The following ENOX1 variants were observed in gnomAD, a reference collection of about 807,000 sequenced individuals.
ENOX1 encodes the protein ecto-NOX disulfide-thiol exchanger 1, also known as candidate growth-related and time keeping constitutive hydroquinone (NADH) oxidase.
ENOX1 carries 42 observed loss-of-function variants against 82.5 expected under a neutral mutation model. The observed-to-expected ratio is 0.51, with a 90% CI of 0.40 to 0.66. The LOEUF is 0.66. Ranked by LOEUF, ENOX1 falls within the 30% of genes least tolerant of loss-of-function variation. The probability of loss-of-function intolerance (pLI) is 0.00; values close to 1 mark genes in which losing one functional copy is unlikely to be tolerated. For synonymous variants in ENOX1, 271 were observed against 282.2 expected, an observed-to-expected ratio of 0.96 and a Z score of 0.40; for missense variants, 608 against 811.6, an observed-to-expected ratio of 0.75 and a Z score of 3.05.
At chr13:43,231,352 G>C (rs995892537) in intron 15 of ENOX1, among the ~76,000 whole-genome samples, 1 of 152,212 alleles carries the variant, frequency 6.6e-6, no homozygotes, top group African/African-American at 2.4e-5. Context: ...AGCGTATATG[G>C]GAAGTGGAGA....
intron 11 of ENOX1, among the ~76,000 whole-genome samples, chr13:43,302,973 A>G (rs1398939315): frequency 6.6e-6 from 1 of 152,230 alleles, no homozygotes; most frequent in East Asian, 1.9e-4. Flanking sequence ...ATTTTAACAT[A>G]TCGTTTCTAA....
chr13:43,605,756 CT>C (rs1203922647), intron 2 of ENOX1, among the ~76,000 whole-genome samples: 3 of 152,142 alleles, frequency 2.0e-5, no homozygotes, highest in Non-Finnish European at 2.9e-5. Context: ...GCAAAGACTT[CT>C]TGAGTAATAC....
At chr13:43,300,783 A>G (rs1420073403) in intron 11 of ENOX1, among the ~76,000 whole-genome samples, 1 of 152,246 alleles carries the variant, frequency 6.6e-6, no homozygotes, top group African/African-American at 2.4e-5. Context: ...GCATGGAATG[A>G]ACTGGAGGCT....
intron 8 of ENOX1, among the ~76,000 whole-genome samples, chr13:43,346,392 G>GT (rs547151170): frequency 2.8e-4 from 42 of 152,094 alleles, no homozygotes; most frequent in African/African-American, 1.0e-3. Flanking sequence ...GGGATCAAAG[G>GT]TTTTTTTTCT....
At chr13:43,604,854 A>G (rs2081909638) in intron 2 of ENOX1, among the ~76,000 whole-genome samples, 1 of 152,240 alleles carries the variant, frequency 6.6e-6, no homozygotes, top group South Asian at 2.1e-4. Flanking sequence ...ATGATCTGAT[A>G]TTTGGAAAAA....
chr13:43,479,616 T>G (rs1453925752), intron 3 of ENOX1, among the ~76,000 whole-genome samples: 1 of 152,254 alleles, frequency 6.6e-6, no homozygotes, highest in Non-Finnish European at 1.5e-5. Context: ...AAAGAGTCTA[T>G]CCATCCATTT....
intron 12 of ENOX1, among the ~76,000 whole-genome samples, chr13:43,296,894 G>T (rs1224401709): frequency 6.6e-6 from 1 of 152,182 alleles, no homozygotes; most frequent in African/African-American, 2.4e-5. Flanking sequence ...CATGGTCTTT[G>T]GGGAAATCGA....
chr13:43,684,520 T>C (rs1291864421), intron 1 of ENOX1, among the ~76,000 whole-genome samples: 1 of 152,178 alleles, frequency 6.6e-6, no homozygotes, highest in African/African-American at 2.4e-5. Context: ...TGAAGGGTGA[T>C]CCAAAGTCCT....
intron 12 of ENOX1, among the ~76,000 whole-genome samples, chr13:43,293,370 C>T (rs114301901): frequency 0.016 from 2,482 of 152,178 alleles, 69 homozygotes; most frequent in African/African-American, 0.056. Flanking sequence ...TTACCTTCTC[C>T]ACCACAGCTA....
In ENOX1 at chr13:43,322,448, T is replaced by C. The variant is rs758094944; in HGVS notation, c.1197A>G (p.Glu399=). 4.3e-6 allele frequency: 7 copies of C among 1,614,018 alleles called. No individual in the cohort carries two copies. The highest frequency in any genetic ancestry group is 1.7e-5 in the Admixed American group (1 of 60,004). ...EQLMGIRREE[E]MEMSDDENCD... ...AGTTCTCATCATCAGACATTTCCATTTCTTCTTCGCGGCGGATGCCCATGA... is the reference window on the plus strand; with the variant it reads ...AGTTCTCATCATCAGACATTTCCATCTCTTCTTCGCGGCGGATGCCCATGA... The change falls in exon 11 of 17, where the codon GAA becomes GAG. Residue 399 remains glutamate (E), a synonymous_variant. Transcript: ENST00000690772.
At chr13:43,401,355 A>T (rs972312632) in intron 5 of ENOX1, among the ~76,000 whole-genome samples, 1 of 152,234 alleles carries the variant, frequency 6.6e-6, no homozygotes, top group Non-Finnish European at 1.5e-5. Context: ...TACAACAAAA[A>T]GTACAGGATA....
At chr13:43,336,997 C>G (rs2048751377) in intron 9 of ENOX1, among the ~76,000 whole-genome samples, 1 of 152,188 alleles carries the variant, frequency 6.6e-6, no homozygotes, top group Admixed American at 6.5e-5. Context: ...TCTAACCTTT[C>G]CAATCTCCAG....
chr13:43,641,418 A>C (rs1409837746), intron 2 of ENOX1, among the ~76,000 whole-genome samples: 1 of 152,086 alleles, frequency 6.6e-6, no homozygotes, highest in Non-Finnish European at 1.5e-5. Context: ...ATACAAGAGT[A>C]AGGTATGATC....
At chr13:43,635,177 TAAAAGAGAACAGACTCCAAAAGGGGGTA>T (rs1390141835) in intron 2 of ENOX1, among the ~76,000 whole-genome samples, 1 of 152,016 alleles carries the variant, frequency 6.6e-6, no homozygotes, top group Non-Finnish European at 1.5e-5. Flanking sequence ...TGTGAAGTGA[TAAAAGAGAACAGACTCCAAAAGGGGGTA>T]TAAGAGAAAA....
chr13:43,533,560 G>A (rs2078324251), intron 2 of ENOX1, among the ~76,000 whole-genome samples: 1 of 151,994 alleles, frequency 6.6e-6, no homozygotes, highest in Non-Finnish European at 1.5e-5. Context: ...GATGCACACG[G>A]CCCTTAATGA....
At chr13:43,650,325 A>C (rs1226376447) in intron 2 of ENOX1, among the ~76,000 whole-genome samples, 1 of 151,830 alleles carries the variant, frequency 6.6e-6, no homozygotes, top group African/African-American at 2.4e-5. Context: ...TTTTCTTTTT[A>C]TGACCCTTTA....
intron 1 of ENOX1, among the ~76,000 whole-genome samples, chr13:43,768,046 A>G (rs572823866): frequency 2.2e-4 from 33 of 152,302 alleles, no homozygotes; most frequent in African/African-American, 7.7e-4. Flanking sequence ...TCTGTATTAC[A>G]TAACTCCATT....
chr13:43,591,431 T>C (rs2081240687), intron 2 of ENOX1, among the ~76,000 whole-genome samples: 2 of 152,052 alleles, frequency 1.3e-5, no homozygotes, highest in Admixed American at 1.3e-4. Context: ...TAAAACAATA[T>C]ATTGTCTACA....
chr13:43,563,989 A>AG (rs1458992558), intron 2 of ENOX1, among the ~76,000 whole-genome samples: 4 of 151,964 alleles, frequency 2.6e-5, no homozygotes, highest in Non-Finnish European at 4.4e-5. Flanking sequence ...AAACTGAGGA[A>AG]GGAATACTTC....
Sources: gnomAD v4.1 joint callset for allele counts (sites outside exome capture counted in the v4.1 genomes callset) on GRCh38, gnomAD v4.1.1 for gene constraint, MANE v1.5 for transcripts, NCBI Gene and HGNC (gene_info 2026-07-23, HGNC 2026-07-21) for gene names.